PCDHA6: variants seen among roughly 807,000 people sequenced by gnomAD.
The protein encoded by PCDHA6 is protocadherin alpha 6.
In PCDHA6, 55 loss-of-function variants were observed where a neutral mutation model predicts 60.3. That is an observed-to-expected ratio of 0.91 (90% confidence interval 0.73 to 1.14). PCDHA6 has a LOEUF of 1.14. PCDHA6 is among the 50% of genes most tolerant of loss of function. The probability of loss-of-function intolerance (pLI) is 0.00; values close to 1 mark genes in which losing one functional copy is unlikely to be tolerated. For synonymous variants in PCDHA6, 652 were observed against 557.9 expected (o/e 1.17, Z -2.38); for missense variants, 1,327 against 1,256.5 (o/e 1.06, Z -0.85).
In PCDHA6 at chr5:140,946,611, A is replaced by AATATATATATATAT. The variant is rs1554217734; in HGVS notation, c.2395-32330_2395-32317dup. Among the ~76,000 whole-genome samples the AATATATATATATAT allele has an allele frequency of 6.8e-3, 593 of 86,748 alleles. 22 individuals are homozygous for AATATATATATATAT. Among genetic ancestry groups the AATATATATATATAT allele is most frequent in the African/African-American group, 0.021 (323 of 15,664 alleles). The allele number at this position is 86,748 out of a possible 152,430, so 56.9% of individuals were successfully genotyped here. A position where few individuals can be genotyped will look rare whatever the true frequency, so the allele number is the denominator to read the frequency against. On this transcript the variant is annotated intron_variant, in intron 1 of 3. Coordinates refer to ENST00000529310, the MANE Select transcript of PCDHA6 (RefSeq NM_018909.4). ...GGATGAATAGATAAAGAAAATGTGA[A>AATATATATATATAT]ATATATATATATATATATATACAAT... is the stretch of plus-strand genomic sequence containing the variant.
intron 1 of PCDHA6, chr5:140,882,363 A>G: frequency 1.2e-6 from 2 of 1,614,208 alleles, no homozygotes; most frequent in South Asian, 1.1e-5. Context: ...GGCCAGCTCC[A>G]CTACTCCGTC....
chr5:140,866,445 T>G (rs2049364254), intron 1 of PCDHA6: 1 of 152,140 alleles, frequency 6.6e-6, no homozygotes, highest in South Asian at 2.1e-4. Flanking sequence ...TCTTCAGTCT[T>G]ATTGTTGGCT....
At chr5:140,880,694 A>T (rs1254061280) in intron 1 of PCDHA6, among the ~76,000 whole-genome samples, 1 of 152,346 alleles carries the variant, frequency 6.6e-6, no homozygotes, top group South Asian at 2.1e-4. Context: ...AGTCATGGTT[A>T]AGTGACAATG....
intron 1 of PCDHA6, among the ~76,000 whole-genome samples, chr5:140,910,949 C>T (rs1413845849): frequency 1.3e-5 from 2 of 152,112 alleles, no homozygotes; most frequent in African/African-American, 2.4e-5. Context: ...CAGTTCTTTT[C>T]GAGTGTAGCA....
chr5:140,875,767 A>G, intron 1 of PCDHA6: 1 of 1,614,144 alleles, frequency 6.2e-7, no homozygotes, highest in Non-Finnish European at 8.5e-7. Context: ...GTGCGGGCGG[A>G]GCGCGGAGTG....
rs955217729 is a variant in PCDHA6 at position 140,843,931 on chromosome 5, A to T, written c.2394+13446A>T. The T allele has an allele frequency of 6.9e-6, 4 of 582,802 alleles. 1 individual carries two copies. Among genetic ancestry groups the T allele is most frequent in the Non-Finnish European group, 1.2e-5 (4 of 332,650 alleles). The allele number at this position is 582,802 out of a possible 1,614,324, so 36.1% of individuals were successfully genotyped here. Reference sequence around the variant, plus strand: ...TTGGGTCTATCTTGAAACTCAAGTTATGGTTGGATGATATCCATTTTTTAC... The same window carrying T: ...TTGGGTCTATCTTGAAACTCAAGTTTTGGTTGGATGATATCCATTTTTTAC... On this transcript the variant is annotated intron_variant, in intron 1 of 3. Coordinates refer to ENST00000529310, the MANE Select transcript of PCDHA6 (RefSeq NM_018909.4).
intron 1 of PCDHA6, among the ~76,000 whole-genome samples, chr5:140,833,648 T>C (rs1554133916): frequency 6.6e-6 from 1 of 152,200 alleles, no homozygotes. Flanking sequence ...GTTCACATGA[T>C]ACAAATTCTT....
intron 1 of PCDHA6, among the ~76,000 whole-genome samples, chr5:140,953,567 C>G (rs1385823859): frequency 6.6e-6 from 1 of 152,018 alleles, no homozygotes; most frequent in Non-Finnish European, 1.5e-5. Flanking sequence ...TTTTAGTGCC[C>G]TCCTCTCCCA....
intron 1 of PCDHA6, among the ~76,000 whole-genome samples, chr5:140,958,658 A>T (rs1207660771): frequency 6.6e-6 from 1 of 152,174 alleles, no homozygotes; most frequent in African/African-American, 2.4e-5. Flanking sequence ...GAAAGCTATG[A>T]TGAAATTTTA....
At chr5:140,956,009 CTT>C (rs2095247878) in intron 1 of PCDHA6, among the ~76,000 whole-genome samples, 1 of 152,192 alleles carries the variant, frequency 6.6e-6, no homozygotes, top group Non-Finnish European at 1.5e-5. Flanking sequence ...TATCCTGAGA[CTT>C]TGCTGAAGTT....
chr5:140,833,980 C>G (rs2150212717), intron 1 of PCDHA6, among the ~76,000 whole-genome samples: 4 of 152,216 alleles, frequency 2.6e-5, no homozygotes, highest in African/African-American at 9.6e-5. Context: ...AAAAGTTTTT[C>G]TAAGGCATGA....
intron 1 of PCDHA6, among the ~76,000 whole-genome samples, chr5:140,923,268 G>C (rs2081286092): frequency 6.6e-6 from 1 of 152,154 alleles, no homozygotes; most frequent in Non-Finnish European, 1.5e-5. Context: ...GTGAGACCTT[G>C]TCTCTACAAA....
intron 1 of PCDHA6, among the ~76,000 whole-genome samples, chr5:140,897,960 T>C (rs2066423336): frequency 6.6e-6 from 1 of 152,276 alleles, no homozygotes; most frequent in South Asian, 2.1e-4. Flanking sequence ...CATTTTTTCA[T>C]GTGTCTTTTG....
At position 140,870,592 on chromosome 5, in the gene PCDHA6, C is replaced by T. The variant is rs202164332; in HGVS notation, c.2394+40107C>T. The T allele has an allele frequency of 8.8e-4, 1,421 of 1,613,554 alleles. 8 individuals carry two copies. The African/African-American group carries it at 0.017, about 19-fold the overall frequency. On this transcript the variant is annotated intron_variant, in intron 1 of 3. Coordinates refer to ENST00000529310, the MANE Select transcript of PCDHA6 (RefSeq NM_018909.4). ...GGTGTCCTACTCGCTGGTGGAGCGGCGGTTGGGCGACCGCGCGCTGTCGAG... is the reference window on the plus strand; with the variant it reads ...GGTGTCCTACTCGCTGGTGGAGCGGTGGTTGGGCGACCGCGCGCTGTCGAG...
At chr5:140,968,817 T>C in intron 1 of PCDHA6, 2 of 1,614,110 alleles carry the variant, frequency 1.2e-6, no homozygotes, top group Middle Eastern at 3.3e-4. Flanking sequence ...GTGGATAGGG[T>C]TTCCAAAATC....
intron 1 of PCDHA6, among the ~76,000 whole-genome samples, chr5:140,874,456 A>T (rs1554167207): frequency 6.6e-6 from 1 of 152,236 alleles, no homozygotes; most frequent in Non-Finnish European, 1.5e-5. Flanking sequence ...AATGACCTGT[A>T]GGGGAAGATT....
chr5:140,969,473 A>G (rs562575347), intron 1 of PCDHA6: 1 of 1,478,090 alleles, frequency 6.8e-7, no homozygotes, highest in Non-Finnish European at 9.0e-7. Flanking sequence ...CCACAATTTG[A>G]TCATAATCTG....
intron 1 of PCDHA6, among the ~76,000 whole-genome samples, chr5:140,964,670 G>A (rs2095847592): frequency 6.6e-6 from 1 of 151,912 alleles, no homozygotes; most frequent in Non-Finnish European, 1.5e-5. Context: ...CACAGGCCAG[G>A]TCCACAATTT....
intron 1 of PCDHA6, among the ~76,000 whole-genome samples, chr5:140,912,281 A>G (rs571303094): frequency 3.3e-5 from 5 of 152,200 alleles, no homozygotes; most frequent in Non-Finnish European, 7.4e-5. Context: ...ATACCCAGGA[A>G]CAATACTTTG....
Sources: allele counts gnomAD v4.1 joint callset (sites outside exome capture counted in the v4.1 genomes callset), GRCh38; gene constraint gnomAD v4.1.1; transcripts MANE v1.5; gene names NCBI Gene and HGNC (gene_info 2026-07-23, HGNC 2026-07-21).